The following BRCA2 variants were observed in gnomAD, a reference collection of about 807,000 sequenced individuals.
The protein encoded by BRCA2 is BRCA2 DNA repair associated.
In BRCA2, 203 loss-of-function variants were observed where a neutral mutation model predicts 276.7. That is an observed-to-expected ratio of 0.73 (90% CI 0.65 to 0.82). BRCA2 has a LOEUF of 0.82. BRCA2 is among the 40% of genes least tolerant of loss of function. BRCA2 has a pLI of 0.00. For synonymous variants in BRCA2, 1,289 were observed against 1,338.4 expected (o/e 0.96, Z 0.81); for missense variants, 3,920 against 3,915.0 (o/e 1.00, Z -0.03).
chr13:32,318,077 TTAC>T (rs1463143259), intron 2 of BRCA2, among the ~76,000 whole-genome samples: 1 of 151,920 alleles, frequency 6.6e-6, no homozygotes, highest in East Asian at 1.9e-4. Context: ...GGCATTATTA[TTAC>T]TATTATTTTT....
intron 20 of BRCA2, among the ~76,000 whole-genome samples, chr13:32,375,912 A>G (rs1241173978): frequency 1.3e-5 from 2 of 152,190 alleles, no homozygotes; most frequent in Admixed American, 1.3e-4. Context: ...TCCATGATCC[A>G]TGGGCCACAA....
chr13:32,321,733 C>T (rs1022196729), intron 3 of BRCA2, among the ~76,000 whole-genome samples: 5 of 152,086 alleles, frequency 3.3e-5, no homozygotes, highest in Admixed American at 6.5e-5. Flanking sequence ...CTGTTTTGTT[C>T]AGTTCTAACA....
intron 16 of BRCA2, among the ~76,000 whole-genome samples, chr13:32,361,770 T>A (rs1031185825): frequency 6.6e-6 from 1 of 151,830 alleles, no homozygotes; most frequent in African/African-American, 2.4e-5. Flanking sequence ...TTATGGAAGT[T>A]CTCTTTTGAT....
At chr13:32,367,327 T>C (rs2072790079) in intron 18 of BRCA2, among the ~76,000 whole-genome samples, 1 of 151,732 alleles carries the variant, frequency 6.6e-6, no homozygotes, top group South Asian at 2.1e-4. Context: ...TCCCAGCTAT[T>C]TGGGAGGCTG....
At chr13:32,315,750 G>A (rs2072250507) in intron 1 of BRCA2, 83 bp downstream of exon 1, 1 of 153,406 alleles carries the variant, frequency 6.5e-6, no homozygotes, top group Admixed American at 6.5e-5. Context: ...CTCACGCCCC[G>A]GGTCGCTGCC....
At chr13:32,374,559 G>A (rs764545382) in intron 20 of BRCA2, among the ~76,000 whole-genome samples, 12 of 152,172 alleles carry the variant, frequency 7.9e-5, no homozygotes, top group Non-Finnish European at 1.0e-4. Context: ...ACATTCCACG[G>A]ATCTCTAGCG....
Position 32,357,683 on chromosome 13 carries a change from G to T in BRCA2, c.7618-59G>T, listed in dbSNP as rs276174895. 18 of 1,539,088 alleles carry T rather than the reference G, an allele frequency of 1.2e-5. No homozygotes were observed. The highest frequency in any genetic ancestry group is 1.6e-5 in the Non-Finnish European group (18 of 1,125,014). ...TTGGTTTGTTATAATTGTTTTTATT[G>T]TGTGATACATGTTTACTTTAAATTG... On this transcript the variant is annotated intron_variant, in intron 15 of 26. Transcript: ENST00000380152.
At chr13:32,318,395 T>C (rs1015984278) in intron 2 of BRCA2, among the ~76,000 whole-genome samples, 1 of 152,220 alleles carries the variant, frequency 6.6e-6, no homozygotes, top group Non-Finnish European at 1.5e-5. Flanking sequence ...TCTTGAGTAC[T>C]CTTCAGAATT....
chr13:32,356,754 C>A, intron 15 of BRCA2, 145 bp downstream of exon 15: 2 of 1,069,594 alleles, frequency 1.9e-6, no homozygotes, highest in Non-Finnish European at 2.7e-6. Context: ...TTCTAATTAG[C>A]CTGCAGTGGC....
chr13:32,341,817 G>A (rs1019281232), intron 11 of BRCA2, among the ~76,000 whole-genome samples: 5 of 150,096 alleles, frequency 3.3e-5, no homozygotes, highest in African/African-American at 7.4e-5. Flanking sequence ...GCAGTGAGCC[G>A]AGATCCCGCC....
At chr13:32,371,851 T>G (rs1381178055) in intron 20 of BRCA2, among the ~76,000 whole-genome samples, 1 of 152,224 alleles carries the variant, frequency 6.6e-6, no homozygotes, top group Non-Finnish European at 1.5e-5. Context: ...TAGCATAATC[T>G]CTTAAATGTG....
chr13:32,344,680 G>A (rs778255442), intron 12 of BRCA2, 27 bp downstream of exon 12: 1 of 1,434,652 alleles, frequency 7.0e-7, no homozygotes, highest in Non-Finnish European at 9.8e-7. Context: ...ATTTATATCT[G>A]TTCTCCCTCT....
At chr13:32,396,784 T>C (rs996380985) in intron 25 of BRCA2, 114 bp from the exon 26 acceptor site, 1 of 1,352,816 alleles carries the variant, frequency 7.4e-7, no homozygotes, top group African/African-American at 1.4e-5. Context: ...ATTTAGGGTT[T>C]TTCATTCTTT....
intron 10 of BRCA2, among the ~76,000 whole-genome samples, chr13:32,334,237 A>G (rs564844997): frequency 6.6e-6 from 1 of 152,218 alleles, no homozygotes; most frequent in Non-Finnish European, 1.5e-5. Context: ...ATTCCAGCCA[A>G]CAACTTGAGA....
intron 13 of BRCA2, among the ~76,000 whole-genome samples, chr13:32,351,698 TA>T (rs1301997008): frequency 1.3e-5 from 2 of 152,236 alleles, no homozygotes; most frequent in African/African-American, 4.8e-5. Context: ...TAAAATCATC[TA>T]AAACTGTTTA....
chr13:32,332,820 C>G lies in BRCA2; in HGVS notation c.1342C>G (p.Arg448Gly), dbSNP rs80358422. Reference protein sequence around the residue: ...DFLTSENSLPRISSLPKSEKP... With the variant: ...DFLTSENSLPGISSLPKSEKP... Reference sequence around the variant, plus strand: ...TCTTACTTCAGAGAATTCTTTGCCACGTATTTCTAGCCTACCAAAATCAGA... The same window carrying G: ...TCTTACTTCAGAGAATTCTTTGCCAGGTATTTCTAGCCTACCAAAATCAGA... The change falls in exon 10 of 27, where the codon CGT (arginine) becomes GGT (glycine). Residue 448 changes from arginine to glycine, a missense_variant. Physicochemically the swap from Arg to Gly is moderately radical, Grantham distance 125. Around this residue, in one of 2 missense-constraint regions of BRCA2, gnomAD observed 3,263 missense variants for 3,156.9 expected, o/e 1.03. Coordinates refer to ENST00000380152, the MANE Select transcript of BRCA2 (RefSeq NM_000059.4). The G allele has an allele frequency of 6.2e-7, 1 of 1,611,258 alleles. No homozygotes were observed. Among genetic ancestry groups the G allele is most frequent in the East Asian group, 2.2e-5 (1 of 44,860 alleles).
At chr13:32,397,491 T>G (rs1036806938) in intron 26 of BRCA2, among the ~76,000 whole-genome samples, 1 of 152,214 alleles carries the variant, frequency 6.6e-6, no homozygotes, top group African/African-American at 2.4e-5. Flanking sequence ...CCCTATGAGA[T>G]AAAACCTAAG....
intron 10 of BRCA2, among the ~76,000 whole-genome samples, chr13:32,335,189 A>G (rs1276771835): frequency 1.3e-5 from 2 of 152,090 alleles, no homozygotes; most frequent in African/African-American, 2.4e-5. Flanking sequence ...ATGAAAAAAA[A>G]CAAAAATTAT....
At chr13:32,353,732 A>G (rs1593917053) in intron 13 of BRCA2, among the ~76,000 whole-genome samples, 1 of 152,372 alleles carries the variant, frequency 6.6e-6, no homozygotes, top group African/African-American at 2.4e-5. Flanking sequence ...GGATAACTAA[A>G]GGAACAACTT....
Sources: allele counts gnomAD v4.1 joint callset (sites outside exome capture counted in the v4.1 genomes callset), GRCh38; gene constraint gnomAD v4.1.1; regional missense constraint gnomAD v4.1.1; transcripts MANE v1.5; gene names NCBI Gene and HGNC (gene_info 2026-07-23, HGNC 2026-07-21).